The following TMX4 variants were observed in gnomAD, a reference collection of about 807,000 sequenced individuals.
TMX4 encodes the protein thioredoxin related transmembrane protein 4.
Under a neutral mutation model 33.3 loss-of-function variants are expected in TMX4, and 23 were observed. That is an observed-to-expected ratio of 0.69 (90% confidence interval 0.50 to 0.98). The LOEUF (loss-of-function observed/expected upper bound fraction) is 0.98, where lower values mean the gene tolerates loss of function less well. Among genes scored for constraint, TMX4 ranks in the 50% least tolerant of loss-of-function variants. The pLI, the probability that TMX4 is intolerant of heterozygous loss-of-function variation, is 0.00. For missense variants in TMX4, 399 were observed against 448.9 expected (o/e 0.89, Z 1.01); for synonymous variants, 164 against 161.5 (o/e 1.02, Z -0.12).
chr20:7,985,237 GTA>G (rs2050625637), intron 6 of TMX4, among the ~76,000 whole-genome samples: 1 of 146,868 alleles, frequency 6.8e-6, no homozygotes. Context: ...GTGTGTGTGT[GTA>G]TATATATGTG....
intron 2 of TMX4, among the ~76,000 whole-genome samples, chr20:8,007,024 C>G (rs906111826): frequency 6.6e-6 from 1 of 152,194 alleles, no homozygotes; most frequent in Non-Finnish European, 1.5e-5. Context: ...GCCTCGGCCT[C>G]CCAGAGTGCT....
chr20:8,014,467 A>G (rs938592383), intron 1 of TMX4, among the ~76,000 whole-genome samples: 3 of 152,240 alleles, frequency 2.0e-5, no homozygotes, highest in Non-Finnish European at 4.4e-5. Flanking sequence ...TATTTTTTGA[A>G]CACAAACTAC....
chr20:8,019,168 C>G (rs2050798681), intron 1 of TMX4: 1 of 481,282 alleles, frequency 2.1e-6, no homozygotes, highest in Non-Finnish European at 3.7e-6. Flanking sequence ...GCTGTCACCG[C>G]GAGGGCTCGG....
intron 1 of TMX4, among the ~76,000 whole-genome samples, chr20:8,015,959 T>A (rs2050773197): frequency 6.6e-6 from 1 of 152,190 alleles, no homozygotes; most frequent in African/African-American, 2.4e-5. Context: ...ATGTCAAAAT[T>A]AAGCCACTTG....
At chr20:7,986,783 ATTGTG>A (rs2050632588) in intron 6 of TMX4, among the ~76,000 whole-genome samples, 1 of 152,164 alleles carries the variant, frequency 6.6e-6, no homozygotes, top group Non-Finnish European at 1.5e-5. Flanking sequence ...CCAAAGAATA[ATTGTG>A]TTGTGTTAAC....
At chr20:8,017,932 G>A (rs2050783025) in intron 1 of TMX4, among the ~76,000 whole-genome samples, 1 of 151,942 alleles carries the variant, frequency 6.6e-6, no homozygotes, top group South Asian at 2.1e-4. Flanking sequence ...TGATACCAAG[G>A]GTATTTCATT....
At chr20:7,994,099 G>A (rs1424822092) in intron 5 of TMX4, among the ~76,000 whole-genome samples, 1 of 151,220 alleles carries the variant, frequency 6.6e-6, no homozygotes, top group Non-Finnish European at 1.5e-5. Context: ...TTATATAATT[G>A]TACATTTTGC....
intron 1 of TMX4, among the ~76,000 whole-genome samples, chr20:8,011,105 T>A (rs1212118933): frequency 6.6e-6 from 1 of 152,102 alleles, no homozygotes; most frequent in Non-Finnish European, 1.5e-5. Context: ...TAATAAAGTC[T>A]TGAATAAATA....
chr20:8,013,141 CAT>C (rs1333195948), intron 1 of TMX4, among the ~76,000 whole-genome samples: 2 of 152,078 alleles, frequency 1.3e-5, no homozygotes, highest in African/African-American at 4.8e-5. Flanking sequence ...TCTGTGTACA[CAT>C]AGATACATAT....
rs2050587933 is a variant in TMX4, at chr20:7,978,059, G to C, written c.*4192C>G. The C allele has an allele frequency of 6.6e-6, 1 of 152,194 alleles. No homozygotes were observed. Among genetic ancestry groups the C allele is most frequent in the Non-Finnish European group, 1.5e-5 (1 of 68,042 alleles). The allele number at this position is 152,194 out of a possible 1,614,324, so 9.4% of individuals were successfully genotyped here. A position where few individuals can be genotyped will look rare whatever the true frequency, so the allele number is the denominator to read the frequency against. ...TCAAAATGTAGGACTGAGGTAAAGA[G>C]ATATTAAACAAGAAGGAACTTTTCT... is the stretch of plus-strand genomic sequence containing the variant. On this transcript the variant is annotated 3_prime_UTR_variant, in exon 8 of 8. Transcript: ENST00000246024.
chr20:8,004,303 G>T (rs2050718777), intron 2 of TMX4, among the ~76,000 whole-genome samples: 1 of 152,150 alleles, frequency 6.6e-6, no homozygotes, highest in South Asian at 2.1e-4. Flanking sequence ...ACCATCTGAG[G>T]TTGTGGCTTC....
At chr20:8,000,080 G>A (rs531933079) in intron 3 of TMX4, among the ~76,000 whole-genome samples, 6 of 152,212 alleles carry the variant, frequency 3.9e-5, no homozygotes, top group Admixed American at 6.5e-5. Flanking sequence ...TGTTATCACC[G>A]TACAAAGTGT....
chr20:7,998,310 G>A (rs2050685745), intron 4 of TMX4, among the ~76,000 whole-genome samples: 1 of 152,108 alleles, frequency 6.6e-6, no homozygotes, highest in Non-Finnish European at 1.5e-5. Flanking sequence ...CAAGTACCAA[G>A]ATCCATCATG....
chr20:7,995,883 C>G (rs2050673951), intron 5 of TMX4, 143 bp downstream of exon 5: 1 of 666,638 alleles, frequency 1.5e-6, no homozygotes. Flanking sequence ...ACTGGAAACC[C>G]CACATGAGAG....
intron 6 of TMX4, among the ~76,000 whole-genome samples, chr20:7,984,244 C>T (rs1053500551): frequency 6.6e-6 from 1 of 152,216 alleles, no homozygotes; most frequent in Non-Finnish European, 1.5e-5. Flanking sequence ...GAACATTTCA[C>T]AAATGTTACA....
chr20:7,984,652 G>A (rs2050622909), intron 6 of TMX4, among the ~76,000 whole-genome samples: 1 of 151,964 alleles, frequency 6.6e-6, no homozygotes, highest in Non-Finnish European at 1.5e-5. Flanking sequence ...TTGACACACA[G>A]TAACTATATA....
At chr20:8,001,570 T>C (rs768918057) in intron 2 of TMX4, 29 bp from the exon 3 acceptor site, 16 of 1,583,584 alleles carry the variant, frequency 1.0e-5, no homozygotes, top group Non-Finnish European at 1.4e-5. Flanking sequence ...GAACAAAAGT[T>C]ACACTTAAGT....
At chr20:8,003,407 T>A (rs965291495) in intron 2 of TMX4, among the ~76,000 whole-genome samples, 1 of 152,208 alleles carries the variant, frequency 6.6e-6, no homozygotes, top group Non-Finnish European at 1.5e-5. Context: ...ATGTTAGGTA[T>A]CACTTAAAGT....
chr20:7,983,892 T>C (rs1232791644), intron 6 of TMX4, 35 bp from the exon 7 acceptor site: 5 of 1,553,096 alleles, frequency 3.2e-6, no homozygotes, highest in African/African-American at 1.4e-5. Flanking sequence ...AGTGAATAGA[T>C]AGGACATTTA....
Sources: allele counts gnomAD v4.1 joint callset (sites outside exome capture counted in the v4.1 genomes callset), GRCh38; gene constraint gnomAD v4.1.1; transcripts MANE v1.5; gene names NCBI Gene and HGNC (gene_info 2026-07-23, HGNC 2026-07-21).